The following SPIDR variants were observed in gnomAD, a reference collection of about 807,000 sequenced individuals.
The protein encoded by SPIDR is DNA repair-scaffolding protein.
A neutral mutation model predicts 104.6 loss-of-function variants in SPIDR; 93 were observed. That is an observed-to-expected ratio of 0.89 (90% confidence interval 0.75 to 1.06). The LOEUF is 1.06. Ranked by LOEUF, SPIDR falls within the 50% of genes least tolerant of loss-of-function variation. The pLI, the probability that SPIDR is intolerant of heterozygous loss-of-function variation, is 0.00. For missense variants in SPIDR, 1,154 were observed against 1,111.2 expected, an observed-to-expected ratio of 1.04 and a Z score of -0.55; for synonymous variants, 431 against 416.9, an observed-to-expected ratio of 1.03 and a Z score of -0.41.
At chr8:47,729,225 G>A (rs1376820419) in intron 18 of SPIDR, 178 bp downstream of exon 18, 39 of 1,463,744 alleles carry the variant, frequency 2.7e-5, no homozygotes, top group Non-Finnish European at 3.6e-5. Flanking sequence ...GGAAAGGTGG[G>A]AGGATGCACC....
chr8:47,702,112 C>T, intron 14 of SPIDR, 97 bp downstream of exon 14: 2 of 1,029,360 alleles, frequency 1.9e-6, no homozygotes, highest in South Asian at 2.7e-5. Flanking sequence ...CACACACACA[C>T]ACACACACAC....
intron 8 of SPIDR, among the ~76,000 whole-genome samples, chr8:47,535,327 A>T (rs539685122): frequency 3.0e-4 from 46 of 152,320 alleles, no homozygotes; most frequent in African/African-American, 1.1e-3. Flanking sequence ...CAGGAGCAAG[A>T]CAAGGAAGGA....
intron 8 of SPIDR, among the ~76,000 whole-genome samples, chr8:47,568,650 A>G (rs2058170774): frequency 6.6e-6 from 1 of 152,190 alleles, no homozygotes; most frequent in South Asian, 2.1e-4. Context: ...AGCACACTGG[A>G]GCCAGGGTGA....
intron 6 of SPIDR, among the ~76,000 whole-genome samples, chr8:47,399,638 C>T (rs999968837): frequency 1.3e-5 from 2 of 152,140 alleles, no homozygotes; most frequent in African/African-American, 2.4e-5. Flanking sequence ...TGAGACCTAT[C>T]AGCCAGTGTG....
chr8:47,571,991 T>C (rs912374891), intron 8 of SPIDR, among the ~76,000 whole-genome samples: 1 of 152,310 alleles, frequency 6.6e-6, no homozygotes, highest in South Asian at 2.1e-4. Context: ...TTCTAATAGA[T>C]CAAGCTTACT....
chr8:47,339,236 G>A (rs1011022520), intron 5 of SPIDR, among the ~76,000 whole-genome samples: 19 of 152,274 alleles, frequency 1.2e-4, no homozygotes, highest in African/African-American at 4.6e-4. Flanking sequence ...AACTGAAAAT[G>A]TTCTAGGTTG....
intron 11 of SPIDR, among the ~76,000 whole-genome samples, chr8:47,696,877 C>T (rs916220138): frequency 6.6e-6 from 1 of 152,124 alleles, no homozygotes; most frequent in Non-Finnish European, 1.5e-5. Flanking sequence ...CCTTTCTATC[C>T]CCAAGTCTGC....
In SPIDR at chr8:47,440,449, G is replaced by A. The variant is rs1282653504; in HGVS notation, c.1004G>A (p.Arg335Lys). 6.2e-6 allele frequency: 10 copies of A among 1,614,096 alleles called. No homozygotes were observed. Among genetic ancestry groups the A allele is most frequent in the Non-Finnish European group, 7.6e-6 (9 of 1,180,032 alleles). The change falls in exon 8 of 20, where the codon AGG becomes AAG. Residue 335 changes from arginine to lysine, a missense_variant. Coordinates refer to ENST00000297423, the MANE Select transcript of SPIDR (RefSeq NM_001080394.4). ...AGCTCCTCCCAAAGTGTGGCTCCCA[G>A]GCCTGGAGCTGGCCTGAAAGTTCTC... ...ATSSSQSVAP[R>K]PGAGLKVLFT... is the part of the protein sequence containing the mutation.
At chr8:47,597,089 A>G (rs2061705979) in intron 9 of SPIDR, among the ~76,000 whole-genome samples, 1 of 152,238 alleles carries the variant, frequency 6.6e-6, no homozygotes, top group South Asian at 2.1e-4. Flanking sequence ...TAACAAGTAG[A>G]ATACTCTAAA....
chr8:47,599,746 C>T (rs1334809672), intron 10 of SPIDR, among the ~76,000 whole-genome samples: 3 of 152,210 alleles, frequency 2.0e-5, no homozygotes, highest in African/African-American at 7.2e-5. Flanking sequence ...GATTTAGGCC[C>T]TTCCTGGTGT....
At chr8:47,496,358 G>A (rs1166151925) in intron 8 of SPIDR, among the ~76,000 whole-genome samples, 1 of 152,174 alleles carries the variant, frequency 6.6e-6, no homozygotes, top group African/African-American at 2.4e-5. Flanking sequence ...TTGTCAGTTT[G>A]AGGAAGTTGT....
chr8:47,419,882 T>C (rs546517384), intron 7 of SPIDR, among the ~76,000 whole-genome samples: 1 of 152,336 alleles, frequency 6.6e-6, no homozygotes, highest in Admixed American at 6.5e-5. Context: ...ATGTACCCAG[T>C]AGTCATTCAG....
chr8:47,731,457 G>A (rs2085219635), intron 19 of SPIDR, among the ~76,000 whole-genome samples: 1 of 152,234 alleles, frequency 6.6e-6, no homozygotes, highest in Non-Finnish European at 1.5e-5. Flanking sequence ...GCCAGGAACT[G>A]AGCCTCCCGC....
intron 5 of SPIDR, among the ~76,000 whole-genome samples, chr8:47,322,690 G>A (rs6990123): frequency 0.51 from 77,342 of 152,028 alleles, 23,686 homozygotes; most frequent in African/African-American, 0.87. Context: ...AGCCAAGCCA[G>A]ATGTCCAACA....
At chr8:47,510,294 G>A (rs961133364) in intron 8 of SPIDR, among the ~76,000 whole-genome samples, 4 of 152,230 alleles carry the variant, frequency 2.6e-5, no homozygotes, top group African/African-American at 9.6e-5. Flanking sequence ...TGCTGACAGA[G>A]TTACAGTGCG....
At chr8:47,449,773 A>G (rs1554704571) in intron 8 of SPIDR, among the ~76,000 whole-genome samples, 2 of 152,216 alleles carry the variant, frequency 1.3e-5, no homozygotes, top group African/African-American at 2.4e-5. Context: ...TTTATTCTAC[A>G]TGAGGAGGAA....
At chr8:47,389,857 T>C (rs2060374930) in intron 5 of SPIDR, among the ~76,000 whole-genome samples, 1 of 152,094 alleles carries the variant, frequency 6.6e-6, no homozygotes, top group Non-Finnish European at 1.5e-5. Context: ...TACCGGGTCT[T>C]TCTTCTGTCA....
chr8:47,407,913 ATTTC>A lies in SPIDR; in HGVS notation c.833_836del (p.Ser278CysfsTer21). The stretch of plus-strand genomic sequence containing the variant: ...ACTGCAGAATCGAGAGAGATCTGCT[ATTTC>A]TTTGTGGAGACATCAATGTATTTCT... On this transcript the variant is annotated frameshift_variant, in exon 7 of 20. Coordinates refer to ENST00000297423, the MANE Select transcript of SPIDR (RefSeq NM_001080394.4). LOFTEE classifies it high-confidence loss of function. 6.2e-7 allele frequency: 1 copy of A among 1,606,820 alleles called. No homozygotes were observed.
chr8:47,590,848 G>A (rs930583241), intron 8 of SPIDR, among the ~76,000 whole-genome samples: 2 of 152,056 alleles, frequency 1.3e-5, no homozygotes, highest in Admixed American at 1.3e-4. Flanking sequence ...GATACATTTA[G>A]GATTGCTATG....
Sources: allele counts gnomAD v4.1 joint callset (sites outside exome capture counted in the v4.1 genomes callset), GRCh38; gene constraint gnomAD v4.1.1; transcripts MANE v1.5; gene names NCBI Gene and HGNC (gene_info 2026-07-23, HGNC 2026-07-21).